ESRRB: variants seen among roughly 807,000 people sequenced by gnomAD.
ESRRB encodes the protein estrogen related receptor beta.
ESRRB carries 16 observed loss-of-function variants against 46.0 expected under a neutral mutation model. The observed-to-expected ratio is 0.35, with a 90% CI of 0.24 to 0.53. The LOEUF is 0.53. Among genes scored for constraint, ESRRB ranks in the 20% least tolerant of loss-of-function variants. The probability of loss-of-function intolerance (pLI) is 0.93; values close to 1 mark genes in which losing one functional copy is unlikely to be tolerated. For missense variants in ESRRB, 488 were observed against 607.4 expected (o/e 0.80, Z 2.07); for synonymous variants, 246 against 259.6 (o/e 0.95, Z 0.50).
At chr14:76,463,450 T>TG (rs1888969459) in intron 3 of ESRRB, 1 of 124,958 alleles carries the variant, frequency 8.0e-6, no homozygotes, top group Non-Finnish European at 1.6e-5. Flanking sequence ...TCTTTGTTTT[T>TG]TTTTTTTTTT....
chr14:76,388,533 C>A (rs985809962), intron 1 of ESRRB, among the ~76,000 whole-genome samples: 2 of 151,506 alleles, frequency 1.3e-5, no homozygotes, highest in African/African-American at 4.9e-5. Context: ...TTGTGTAGAT[C>A]TAACACTTGG....
intron 1 of ESRRB, among the ~76,000 whole-genome samples, chr14:76,357,094 G>A (rs1330580753): frequency 2.0e-5 from 3 of 152,104 alleles, no homozygotes; most frequent in Non-Finnish European, 4.4e-5. Context: ...ACTAGTATCC[G>A]CCACTCCTCC....
intron 1 of ESRRB, among the ~76,000 whole-genome samples, chr14:76,366,083 CCT>C (rs1884518834): frequency 6.6e-6 from 1 of 152,128 alleles, no homozygotes; most frequent in Admixed American, 6.5e-5. Context: ...AAGCCTCTCC[CCT>C]ACCTTCAGGG....
At chr14:76,333,081 T>A (rs1229738876) in intron 1 of ESRRB, among the ~76,000 whole-genome samples, 1 of 5,448 alleles carries the variant, frequency 1.8e-4, no homozygotes, top group Non-Finnish European at 3.1e-4. Flanking sequence ...TTATATATAT[T>A]ATTTATATTA....
intron 1 of ESRRB, among the ~76,000 whole-genome samples, chr14:76,339,725 C>T (rs1884169185): frequency 6.6e-6 from 1 of 152,186 alleles, no homozygotes; most frequent in African/African-American, 2.4e-5. Context: ...AGAAGAGCAG[C>T]CCCCCACACT....
chr14:76,449,462 A>G (rs1888288301), intron 2 of ESRRB, among the ~76,000 whole-genome samples: 1 of 152,060 alleles, frequency 6.6e-6, no homozygotes, highest in Non-Finnish European at 1.5e-5. Flanking sequence ...GAGGTACAAG[A>G]ATTGTTTGAA....
exon 1 of ESRRB, chr14:76,310,875 C>T (rs1423241327): frequency 1.1e-5 from 5 of 455,006 alleles, no homozygotes; most frequent in African/African-American, 4.0e-5. Context: ...CCGCACATTC[C>T]ACCCCAGCCC....
intron 1 of ESRRB, among the ~76,000 whole-genome samples, chr14:76,311,805 T>C (rs1270026136): frequency 6.6e-6 from 1 of 152,210 alleles, no homozygotes; most frequent in Non-Finnish European, 1.5e-5. Context: ...CGGCTCTAGA[T>C]GGGGCCTTCC....
chr14:76,453,764 C>G (rs1390527567), intron 2 of ESRRB, among the ~76,000 whole-genome samples: 2 of 151,918 alleles, frequency 1.3e-5, no homozygotes, highest in African/African-American at 4.8e-5. Context: ...GGGCATGCCA[C>G]CACACTCGGC....
intron 2 of ESRRB, among the ~76,000 whole-genome samples, chr14:76,461,423 G>C (rs1595141206): frequency 1.3e-5 from 2 of 152,206 alleles, no homozygotes; most frequent in African/African-American, 4.8e-5. Flanking sequence ...CCAAGGTCTT[G>C]GCTTCGTGGG....
At chr14:76,337,576 G>T (rs537080483) in intron 1 of ESRRB, among the ~76,000 whole-genome samples, 1 of 152,300 alleles carries the variant, frequency 6.6e-6, no homozygotes, top group African/African-American at 2.4e-5. Context: ...GATGGGGAAG[G>T]GCGGGTGCTT....
intron 1 of ESRRB, among the ~76,000 whole-genome samples, chr14:76,426,096 G>A (rs1887189185): frequency 6.6e-6 from 1 of 152,230 alleles, no homozygotes; most frequent in Non-Finnish European, 1.5e-5. Flanking sequence ...AGCAGGTCTT[G>A]CCCAGAGGAC....
chr14:76,340,890 C>G (rs116426469), intron 1 of ESRRB, among the ~76,000 whole-genome samples: 1 of 152,160 alleles, frequency 6.6e-6, no homozygotes, highest in African/African-American at 2.4e-5. Flanking sequence ...AATGTCTGCT[C>G]TCTCTGTTAT....
At chr14:76,413,187 T>C (rs1415037299) in intron 1 of ESRRB, among the ~76,000 whole-genome samples, 1 of 152,164 alleles carries the variant, frequency 6.6e-6, no homozygotes, top group African/African-American at 2.4e-5. Flanking sequence ...GAGGCAAAGC[T>C]GCACCGCAGT....
Position 76,432,619 on chromosome 14 carries a change from T to C in ESRRB, c.51-6722T>C, listed in dbSNP as rs1887499678. Reference sequence around the variant, plus strand: ...CTCTGCCACCTACAAACTTCTCATCTGTACAGCCAACCTTCCCTCTCACTC... The same window carrying C: ...CTCTGCCACCTACAAACTTCTCATCCGTACAGCCAACCTTCCCTCTCACTC... On this transcript the variant is annotated intron_variant, in intron 1 of 6. Coordinates refer to ENST00000644823, the MANE Select transcript of ESRRB (RefSeq NM_001379180.1). Among the ~76,000 whole-genome samples the C allele has an allele frequency of 2.0e-5, 3 of 148,846 alleles. 1 individual carries two copies. The highest frequency in any genetic ancestry group is 4.4e-5 in the Non-Finnish European group (3 of 67,736).
At chr14:76,336,816 A>G (rs954783117) in intron 1 of ESRRB, among the ~76,000 whole-genome samples, 2 of 152,326 alleles carry the variant, frequency 1.3e-5, no homozygotes, top group South Asian at 2.1e-4. Flanking sequence ...AAGACAGACA[A>G]AAGTCTCTAT....
chr14:76,481,051 A>G (rs1889786684), intron 3 of ESRRB, among the ~76,000 whole-genome samples: 1 of 152,246 alleles, frequency 6.6e-6, no homozygotes, highest in African/African-American at 2.4e-5. Flanking sequence ...GCAAGAAGGC[A>G]GAAGTGGCTT....
intron 2 of ESRRB, among the ~76,000 whole-genome samples, chr14:76,449,152 G>A (rs1183952783): frequency 1.3e-5 from 2 of 152,038 alleles, no homozygotes; most frequent in Non-Finnish European, 2.9e-5. Flanking sequence ...TTTTATTTGT[G>A]TTGACTTATG....
intron 1 of ESRRB, among the ~76,000 whole-genome samples, chr14:76,320,461 G>A (rs536713592): frequency 1.3e-5 from 2 of 152,294 alleles, no homozygotes. Flanking sequence ...GTGCCCCCCT[G>A]GGCAGTGATC....
Sources: gnomAD v4.1 joint callset for allele counts (sites outside exome capture counted in the v4.1 genomes callset) on GRCh38, gnomAD v4.1.1 for gene constraint, MANE v1.5 for transcripts, NCBI Gene and HGNC (gene_info 2026-07-23, HGNC 2026-07-21) for gene names.